ST6GALNAC3: variants seen among roughly 807,000 people sequenced by gnomAD.
The protein encoded by ST6GALNAC3 is ST6 N-acetylgalactosaminide alpha-2,6-sialyltransferase 3.
ST6GALNAC3 carries 25 observed loss-of-function variants against 32.7 expected under a neutral mutation model. That is an observed-to-expected ratio of 0.76 (90% CI 0.56 to 1.07). The LOEUF (loss-of-function observed/expected upper bound fraction) is 1.07, where lower values mean the gene tolerates loss of function less well. ST6GALNAC3 is among the 50% of genes least tolerant of loss of function. The pLI, the probability that ST6GALNAC3 is intolerant of heterozygous loss-of-function variation, is 0.00. For missense variants in ST6GALNAC3, 355 were observed against 382.4 expected (o/e 0.93, Z 0.60); for synonymous variants, 129 against 133.1 (o/e 0.97, Z 0.21).
chr1:76,531,001 A>G (rs1663217556), intron 3 of ST6GALNAC3, among the ~76,000 whole-genome samples: 1 of 152,314 alleles, frequency 6.6e-6, no homozygotes, highest in African/African-American at 2.4e-5. Context: ...TGTTCTAAAT[A>G]TGTGATGCAC....
chr1:76,586,807 C>G (rs1646968593), intron 3 of ST6GALNAC3, among the ~76,000 whole-genome samples: 1 of 152,190 alleles, frequency 6.6e-6, no homozygotes, highest in African/African-American at 2.4e-5. Context: ...TAAAAAGTAA[C>G]TACATGATAT....
intron 3 of ST6GALNAC3, among the ~76,000 whole-genome samples, chr1:76,459,995 G>C (rs1252138302): frequency 1.3e-5 from 2 of 152,092 alleles, no homozygotes; most frequent in East Asian, 1.9e-4. Flanking sequence ...GTTCTTTTGG[G>C]AATACTTAGG....
At chr1:76,534,730 G>A (rs1348450039) in intron 3 of ST6GALNAC3, among the ~76,000 whole-genome samples, 1 of 152,102 alleles carries the variant, frequency 6.6e-6, no homozygotes, top group African/African-American at 2.4e-5. Flanking sequence ...ATGAAGGTAG[G>A]TATTTTTCTT....
chr1:76,289,542 G>A (rs1352903078), intron 1 of ST6GALNAC3, among the ~76,000 whole-genome samples: 2 of 152,200 alleles, frequency 1.3e-5, no homozygotes, highest in Non-Finnish European at 1.5e-5. Context: ...ATTCAGGAAT[G>A]GTTTCATTAG....
At chr1:76,346,079 T>C (rs187013918) in intron 2 of ST6GALNAC3, among the ~76,000 whole-genome samples, 2 of 152,178 alleles carry the variant, frequency 1.3e-5, no homozygotes. Flanking sequence ...ATTTTCTCCA[T>C]ACTACTTATC....
intron 2 of ST6GALNAC3, among the ~76,000 whole-genome samples, chr1:76,314,582 T>A (rs1646829783): frequency 6.6e-6 from 1 of 152,110 alleles, no homozygotes; most frequent in Non-Finnish European, 1.5e-5. Context: ...CAGGAGAGGA[T>A]GGAGGTATAT....
chr1:76,453,779 A>C (rs996390166), intron 3 of ST6GALNAC3, among the ~76,000 whole-genome samples: 1 of 152,092 alleles, frequency 6.6e-6, no homozygotes, highest in Non-Finnish European at 1.5e-5. Flanking sequence ...TGTTCTGTAA[A>C]TATCTGTTAA....
chr1:76,306,678 TTG>T (rs541831151), intron 1 of ST6GALNAC3, among the ~76,000 whole-genome samples: 3 of 11,990 alleles, frequency 2.5e-4, no homozygotes, highest in South Asian at 5.7e-3. Flanking sequence ...GTTTTTTTTT[TTG>T]GGGGGCGGGG....
chr1:76,104,932 C>T (rs568167407), intron 1 of ST6GALNAC3, among the ~76,000 whole-genome samples: 8 of 152,224 alleles, frequency 5.3e-5, no homozygotes, highest in African/African-American at 1.4e-4. Context: ...GAAAACAACA[C>T]GGGAAAGACC....
chr1:76,396,941 T>C (rs1653008224), intron 2 of ST6GALNAC3, among the ~76,000 whole-genome samples: 2 of 152,330 alleles, frequency 1.3e-5, no homozygotes, highest in Non-Finnish European at 2.9e-5. Flanking sequence ...GTTAGCTAAT[T>C]ACTATGCTTT....
chr1:76,143,011 CT>C, intron 1 of ST6GALNAC3: 1 of 329,772 alleles, frequency 3.0e-6, no homozygotes, highest in Non-Finnish European at 6.0e-6. Flanking sequence ...GGAGGGATTA[CT>C]TTCTTATCAC....
intron 1 of ST6GALNAC3, among the ~76,000 whole-genome samples, chr1:76,207,461 C>G (rs1654884312): frequency 6.6e-6 from 1 of 152,206 alleles, no homozygotes; most frequent in Non-Finnish European, 1.5e-5. Flanking sequence ...GGTAGTTTAT[C>G]AAGACAAGAA....
At chr1:76,393,859 T>C (rs1402616859) in intron 2 of ST6GALNAC3, among the ~76,000 whole-genome samples, 1 of 152,124 alleles carries the variant, frequency 6.6e-6, no homozygotes, top group Non-Finnish European at 1.5e-5. Context: ...GTTGTGAGGA[T>C]ACAAGAGTGG....
chr1:76,450,961 A>G (rs1049939145), intron 3 of ST6GALNAC3, among the ~76,000 whole-genome samples: 1 of 152,098 alleles, frequency 6.6e-6, no homozygotes, highest in African/African-American at 2.4e-5. Context: ...GCCTTATAGT[A>G]TAGTTTGAAG....
At chr1:76,502,763 C>T (rs148217928) in intron 3 of ST6GALNAC3, among the ~76,000 whole-genome samples, 1 of 152,264 alleles carries the variant, frequency 6.6e-6, no homozygotes, top group East Asian at 1.9e-4. Flanking sequence ...CACCATTGTA[C>T]AGAAGAAACC....
chr1:76,405,450 T>C (rs540817512), intron 2 of ST6GALNAC3, among the ~76,000 whole-genome samples: 96 of 152,094 alleles, frequency 6.3e-4, no homozygotes, highest in Non-Finnish European at 1.2e-3. Flanking sequence ...TGTCCCAATA[T>C]ATCACTCAGA....
At chr1:76,273,386 A>T (rs147963441) in intron 1 of ST6GALNAC3, among the ~76,000 whole-genome samples, 298 of 152,332 alleles carry the variant, frequency 2.0e-3, no homozygotes, top group Middle Eastern at 6.8e-3. Context: ...TTCACAATAA[A>T]TAGTGAATAA....
intron 3 of ST6GALNAC3, among the ~76,000 whole-genome samples, chr1:76,608,897 AC>A (rs1647742331): frequency 6.6e-6 from 1 of 152,002 alleles, no homozygotes; most frequent in Admixed American, 6.6e-5. Flanking sequence ...ATTTAGTAAA[AC>A]TGGTGGTCCA....
intron 3 of ST6GALNAC3, among the ~76,000 whole-genome samples, chr1:76,433,954 T>TATTC (rs1655951211): frequency 6.6e-6 from 1 of 152,228 alleles, no homozygotes; most frequent in Non-Finnish European, 1.5e-5. Context: ...TTTATCTATT[T>TATTC]ATTCATTCAT....
Sources: allele counts gnomAD v4.1 joint callset (sites outside exome capture counted in the v4.1 genomes callset), GRCh38; gene constraint gnomAD v4.1.1; transcripts MANE v1.5; gene names NCBI Gene and HGNC (gene_info 2026-07-23, HGNC 2026-07-21).